Variants in ADGRL1 observed in about 807,000 individuals in gnomAD.
ADGRL1 encodes CIRL-1.
In ADGRL1, 31 loss-of-function variants were observed where a neutral mutation model predicts 148.9. That is an observed-to-expected ratio of 0.21 (90% CI 0.16 to 0.28). The LOEUF (loss-of-function observed/expected upper bound fraction) is 0.28, where lower values mean the gene tolerates loss of function less well. Ranked by LOEUF, ADGRL1 falls within the 10% of genes least tolerant of loss-of-function variation. The pLI, the probability that ADGRL1 is intolerant of heterozygous loss-of-function variation, is 1.00. For synonymous variants in ADGRL1, 937 were observed against 900.3 expected (o/e 1.04, Z -0.73); for missense variants, 1,521 against 2,058.8 (o/e 0.74, Z 5.05).
intron 2 of ADGRL1, among the ~76,000 whole-genome samples, chr19:14,178,992 T>A (rs2144976008): frequency 6.6e-6 from 1 of 151,966 alleles, no homozygotes; most frequent in East Asian, 1.9e-4. Context: ...GAGACCAGCC[T>A]GGCCAACGTG....
chr19:14,157,813 C>T lies in ADGRL1; in HGVS notation c.2535+69G>A, dbSNP rs1968925766. On this transcript the variant is annotated intron_variant, in intron 13 of 22. Transcript: ENST00000361434. This position sits in a 1 kb window ranked among gnomAD's most constrained non-coding sequence, Gnocchi z 7.5. ...TCCCCTGGTACTGCCCGTGATCTCT[C>T]TAGGATGCCATGCAAAGCCAGGCCA... 1.9e-6 allele frequency: 3 copies of T among 1,567,772 alleles called. No homozygotes were observed. In the African/African-American group the frequency reaches 4.1e-5, roughly 21 times the overall value.
At chr19:14,177,468 G>T (rs1970901252) in intron 3 of ADGRL1, 63 bp downstream of exon 3, 1 of 1,441,186 alleles carries the variant, frequency 6.9e-7, no homozygotes, top group East Asian at 2.3e-5. Context: ...CGGGTGTGCT[G>T]GCAGGTGTGC....
intron 2 of ADGRL1, among the ~76,000 whole-genome samples, chr19:14,182,475 C>T (rs951160606): frequency 4.6e-5 from 7 of 152,224 alleles, no homozygotes; most frequent in South Asian, 2.1e-4. Context: ...GGCACTCGTG[C>T]GGGACGGTGA....
intron 22 of ADGRL1, 148 bp from the exon 23 acceptor site, chr19:14,151,763 A>T: frequency 1.3e-6 from 1 of 761,108 alleles, no homozygotes; most frequent in African/African-American, 1.7e-5. Flanking sequence ...CTCTGATCTC[A>T]CATTCCCTTT....
Position 14,151,488 on chromosome 19 carries a change from T to A in ADGRL1, c.3795A>T (p.Arg1265=). 1 of 1,611,698 alleles carries A rather than the reference T, an allele frequency of 6.2e-7. No homozygotes were observed. Among genetic ancestry groups the A allele is most frequent in the Non-Finnish European group, 8.5e-7 (1 of 1,179,176 alleles). The part of the protein sequence containing the change: ...PPGDGGPEPP[R]GRNLADAAAF... The stretch of plus-strand genomic sequence containing the variant: ...CCGCCGCATCGGCTAGGTTCCGGCC[T>A]CGGGGCGGCTCAGGGCCCCCATCCC... The change falls in exon 23 of 23, where the codon CGA becomes CGT. Residue 1265 remains arginine (R), a synonymous_variant. Transcript: ENST00000361434.
rs1969263159 is a variant in ADGRL1 at position 14,160,668 on chromosome 19, G to A, written c.1539C>T (p.Ala513=). The A allele has an allele frequency of 6.2e-7, 1 of 1,612,808 alleles. No individual in the cohort carries two copies. Among genetic ancestry groups the A allele is most frequent in the African/African-American group, 1.3e-5 (1 of 74,904 alleles). ...RGIASFQCLP[A]LGLWNPRGPD... The stretch of plus-strand genomic sequence containing the variant: ...GGCCCCGGGGGTTCCAGAGCCCCAA[G>A]GCTGGTAGACACTGGAAGGAGGCAA... The change falls in exon 7 of 23, where the codon GCC becomes GCT. Residue 513 remains alanine (A), a synonymous_variant. Coordinates refer to ENST00000361434, the MANE Select transcript of ADGRL1 (RefSeq NM_014921.5). This position sits in a 1 kb window ranked among gnomAD's most constrained non-coding sequence, Gnocchi z 5.9.
At position 14,152,744 on chromosome 19, in the gene ADGRL1, TCCAA is replaced by T. The variant is rs1968339565; in HGVS notation, c.3423+36_3423+39del. 1.9e-6 allele frequency: 3 copies of T among 1,610,174 alleles called. No individual in the cohort carries two copies. The highest frequency in any genetic ancestry group is 1.7e-6 in the Non-Finnish European group (2 of 1,177,122). ...ACTCCCCACCTCTCAGGCTCCAGGTTCCAACACTCAGCCCCAGGGAGTCCTGTCT... is the reference window on the plus strand; with the variant it reads ...ACTCCCCACCTCTCAGGCTCCAGGTTCACTCAGCCCCAGGGAGTCCTGTCT... On this transcript the variant is annotated intron_variant, in intron 19 of 22. Transcript: ENST00000361434. The surrounding 1 kb of genome is among the most constrained non-coding windows in gnomAD (Gnocchi z 6.1).
intron 1 of ADGRL1, among the ~76,000 whole-genome samples, chr19:14,184,557 C>T (rs964919575): frequency 5.3e-5 from 8 of 151,714 alleles, no homozygotes; most frequent in African/African-American, 1.9e-4. Flanking sequence ...CTCAGCCTCC[C>T]AAGTAGCTGA....
chr19:14,178,998 A>G (rs908153218), intron 2 of ADGRL1, among the ~76,000 whole-genome samples: 5 of 151,938 alleles, frequency 3.3e-5, no homozygotes, highest in Admixed American at 6.6e-5. Flanking sequence ...AGCCTGGCCA[A>G]CGTGGTGAAA....
At chr19:14,197,795 A>G (rs1972356255) in intron 1 of ADGRL1, among the ~76,000 whole-genome samples, 1 of 152,180 alleles carries the variant, frequency 6.6e-6, no homozygotes, top group Admixed American at 6.6e-5. Flanking sequence ...CTCTTGTTGC[A>G]TACCCAACCC....
intron 1 of ADGRL1, among the ~76,000 whole-genome samples, chr19:14,200,852 A>C (rs1444478124): frequency 6.6e-6 from 1 of 152,074 alleles, no homozygotes; most frequent in African/African-American, 2.4e-5. Context: ...TCCTGGACTC[A>C]AGTGATCCTC....
Position 14,160,009 on chromosome 19 carries a change from T to C in ADGRL1, c.1800+103A>G. ...GGTCCTTCCTCTCTGAGGAAAGGAG[T>C]GGAGGTGGCAGCCTGGCTGGGAGGT... On this transcript the variant is annotated intron_variant, in intron 8 of 22. Coordinates refer to ENST00000361434, the MANE Select transcript of ADGRL1 (RefSeq NM_014921.5). The surrounding 1 kb of genome is among the most constrained non-coding windows in gnomAD (Gnocchi z 5.9). 1 of 1,245,792 alleles carries C rather than the reference T, an allele frequency of 8.0e-7. No homozygotes were observed. Among genetic ancestry groups the C allele is most frequent in the Non-Finnish European group, 1.1e-6 (1 of 909,154 alleles). 77.2% of individuals were successfully genotyped at this position (1,245,792 alleles called of 1,614,324 possible). A position where few individuals can be genotyped will look rare whatever the true frequency, so the allele number is the denominator to read the frequency against.
At chr19:14,198,703 C>T (rs1972419545) in intron 1 of ADGRL1, among the ~76,000 whole-genome samples, 1 of 152,116 alleles carries the variant, frequency 6.6e-6, no homozygotes, top group Non-Finnish European at 1.5e-5. Flanking sequence ...ATTTCTCCTT[C>T]CTCCCCTTTG....
At chr19:14,199,463 A>C in intron 1 of ADGRL1, among the ~76,000 whole-genome samples, 1 of 151,088 alleles carries the variant, frequency 6.6e-6, no homozygotes, top group Non-Finnish European at 1.5e-5. Context: ...ACAGGGTCTT[A>C]CTCTGTTGCC....
rs989456883 is a variant in ADGRL1, at chr19:14,160,320, G to A, written c.1615-23C>T. On this transcript the variant is annotated intron_variant, in intron 7 of 22. Transcript: ENST00000361434. This position sits in a 1 kb window ranked among gnomAD's most constrained non-coding sequence, Gnocchi z 5.9. ...GATCTGCATGAGGTGGGGGCGGGAA[G>A]GGGGAATCCCAGGACTGTCAGGGAC... 5 of 1,575,466 alleles carry A rather than the reference G, an allele frequency of 3.2e-6. No individual in the cohort carries two copies. Among genetic ancestry groups the A allele is most frequent in the Admixed American group, 1.7e-5 (1 of 58,478 alleles).
intron 3 of ADGRL1, chr19:14,171,156 C>A: frequency 4.7e-6 from 1 of 210,638 alleles, no homozygotes; most frequent in South Asian, 7.1e-5. Context: ...TCCCCTTCAC[C>A]TTCTGCTGTG....
At chr19:14,204,671 G>A (rs1358179691) in intron 1 of ADGRL1, among the ~76,000 whole-genome samples, 1 of 150,884 alleles carries the variant, frequency 6.6e-6, no homozygotes, top group East Asian at 2.0e-4. Context: ...GCAGAGAGGG[G>A]AAGAGAGAAA....
chr19:14,194,162 T>C (rs1972116107), intron 1 of ADGRL1, among the ~76,000 whole-genome samples: 1 of 152,180 alleles, frequency 6.6e-6, no homozygotes, highest in East Asian at 1.9e-4. Flanking sequence ...CAGTGACCTG[T>C]GATCGCACCA....
chr19:14,163,280 C>T lies in ADGRL1; in HGVS notation c.521G>A (p.Trp174Ter), dbSNP rs1249839991. The T allele has an allele frequency of 6.2e-7, 1 of 1,613,732 alleles. No individual in the cohort carries two copies. The highest frequency in any genetic ancestry group is 8.5e-7 in the Non-Finnish European group (1 of 1,180,034). ...QAGDRIYVMP[W>*]IPYRTDTLTE... ...CAGTGTGTCCGTGCGGTAGGGGATC[C>T]AGGGCATCACGTAGATGCGGTCACC... Residue 174 changes from tryptophan (W) to a stop codon, truncating the protein, a stop_gained, in exon 5 of 23, where the codon TGG becomes TAG. Transcript: ENST00000361434. LOFTEE classifies it high-confidence loss of function.
Sources: allele counts gnomAD v4.1 joint callset (sites outside exome capture counted in the v4.1 genomes callset), GRCh38; gene constraint gnomAD v4.1.1; non-coding constraint Gnocchi (gnomAD v3.1); transcripts MANE v1.5; gene names NCBI Gene and HGNC (gene_info 2026-07-23, HGNC 2026-07-21).